The following RBFOX1 variants were observed in gnomAD, a reference collection of about 807,000 sequenced individuals.
RBFOX1 encodes the protein RNA binding fox-1 homolog 1.
RBFOX1 carries 8 observed loss-of-function variants against 57.7 expected under a neutral mutation model. The ratio of observed to expected loss-of-function variants is 0.14; its 90% confidence interval spans 0.08 to 0.25. RBFOX1 has a LOEUF of 0.25. RBFOX1 is among the 10% of genes least tolerant of loss of function. RBFOX1 has a pLI of 1.00. For missense variants in RBFOX1, 611 were observed against 548.5 expected (o/e 1.11, Z -1.14); for synonymous variants, 326 against 222.4 (o/e 1.47, Z -4.15).
Position 7,135,752 on chromosome 16 carries a change from T to C in RBFOX1, c.27+83654T>C, listed in dbSNP as rs538898510. Among the ~76,000 whole-genome samples the C allele has an allele frequency of 3.3e-5, 5 of 152,360 alleles. No homozygotes were observed. In the South Asian group the frequency reaches 6.2e-4, roughly 19 times the overall value. ...ACCCTGTCTTCCTCCTAATATGACA[T>C]GATTAACATTTTTCAATTAACCACA... is the stretch of plus-strand genomic sequence containing the variant. On this transcript the variant is annotated intron_variant, in intron 4 of 15. Transcript: ENST00000550418.
intron 1 of RBFOX1, among the ~76,000 whole-genome samples, chr16:6,167,128 C>T (rs550093305): frequency 3.3e-5 from 5 of 152,098 alleles, no homozygotes; most frequent in East Asian, 1.9e-4. Context: ...TATTTGCTGA[C>T]GAATAGTGGC....
chr16:6,440,691 C>T (rs966035312), intron 2 of RBFOX1, among the ~76,000 whole-genome samples: 1 of 151,200 alleles, frequency 6.6e-6, no homozygotes, highest in African/African-American at 2.4e-5. Flanking sequence ...GTCCCAACTA[C>T]TTGGGAGGCT....
intron 4 of RBFOX1, among the ~76,000 whole-genome samples, chr16:7,085,946 AT>A (rs1175209943): frequency 6.6e-6 from 1 of 152,166 alleles, no homozygotes; most frequent in Admixed American, 6.5e-5. Flanking sequence ...GGGCTCTAAA[AT>A]GTACTAAGCA....
intron 1 of RBFOX1, among the ~76,000 whole-genome samples, chr16:6,177,399 A>AT (rs146248721): frequency 0.086 from 13,067 of 151,784 alleles, 654 homozygotes; most frequent in African/African-American, 0.13. Flanking sequence ...GCTTTCATTG[A>AT]TTTTTTTCTT....
chr16:5,503,891 A>C (rs1044290763), intron 2 of RBFOX1, among the ~76,000 whole-genome samples: 1 of 152,138 alleles, frequency 6.6e-6, no homozygotes, highest in African/African-American at 2.4e-5. Flanking sequence ...GCAAACACTC[A>C]TCTACTTTCT....
At chr16:6,638,382 A>G (rs1277031772) in intron 2 of RBFOX1, among the ~76,000 whole-genome samples, 1 of 152,124 alleles carries the variant, frequency 6.6e-6, no homozygotes, top group Admixed American at 6.6e-5. Context: ...CCTTATTTCA[A>G]TTTTCTGAGA....
intron 1 of RBFOX1, among the ~76,000 whole-genome samples, chr16:6,271,679 A>G (rs1325726676): frequency 6.6e-6 from 1 of 152,192 alleles, no homozygotes; most frequent in Admixed American, 6.5e-5. Flanking sequence ...TAACTCCACA[A>G]ACTTATCTTT....
rs565822813 is a variant in RBFOX1 at position 6,714,459 on chromosome 16, G to A, written c.-16+59809G>A. Among the ~76,000 whole-genome samples, 29 of 152,158 alleles carry A rather than the reference G, an allele frequency of 1.9e-4. No homozygotes were observed. The East Asian group carries it at 3.9e-3, about 20-fold the overall frequency. The stretch of plus-strand genomic sequence containing the variant: ...TGGAAGTGAAGCTTTATCCCACTAC[G>A]GGATCCTTGGAACCAACGTACACAC... On this transcript the variant is annotated intron_variant, in intron 3 of 15. Coordinates refer to ENST00000550418, the MANE Select transcript of RBFOX1 (RefSeq NM_018723.4).
chr16:7,262,992 G>T (rs1394014797), intron 4 of RBFOX1, among the ~76,000 whole-genome samples: 1 of 152,188 alleles, frequency 6.6e-6, no homozygotes, highest in East Asian at 1.9e-4. Context: ...GTTAGAGGGT[G>T]ATAGGAAAGG....
intron 2 of RBFOX1, among the ~76,000 whole-genome samples, chr16:6,521,049 C>A (rs1243576129): frequency 6.6e-6 from 1 of 152,048 alleles, no homozygotes; most frequent in Admixed American, 6.6e-5. Context: ...ATGTTTAGAT[C>A]CTTTAATCAA....
chr16:7,202,662 C>G (rs374543534), intron 4 of RBFOX1, among the ~76,000 whole-genome samples: 2 of 152,182 alleles, frequency 1.3e-5, no homozygotes, highest in East Asian at 1.9e-4. Context: ...AGAGCAGCCA[C>G]GGCATTAGGT....
At chr16:6,669,690 C>A (rs1037885305) in intron 3 of RBFOX1, among the ~76,000 whole-genome samples, 2 of 151,636 alleles carry the variant, frequency 1.3e-5, no homozygotes, top group Admixed American at 1.3e-4. Context: ...TAAGATCTAC[C>A]CTCTTAGCAA....
chr16:6,935,028 T>A (rs1305972502), intron 3 of RBFOX1, among the ~76,000 whole-genome samples: 1 of 151,978 alleles, frequency 6.6e-6, no homozygotes, highest in Non-Finnish European at 1.5e-5. Flanking sequence ...GCAGGGGTTG[T>A]TGCAGTGAGA....
chr16:6,441,709 C>G (rs114903108), intron 2 of RBFOX1, among the ~76,000 whole-genome samples: 3 of 152,130 alleles, frequency 2.0e-5, no homozygotes, highest in African/African-American at 7.2e-5. Context: ...TGAGCCACCT[C>G]GTGCAGTCAG....
At chr16:6,880,987 A>G (rs1382173334) in intron 3 of RBFOX1, among the ~76,000 whole-genome samples, 1 of 152,170 alleles carries the variant, frequency 6.6e-6, no homozygotes, top group Non-Finnish European at 1.5e-5. Context: ...ATACACAGTG[A>G]GAGCCTAGGC....
In RBFOX1 at chr16:6,504,331, C is replaced by T. The variant is rs186064568; in HGVS notation, c.-63-150272C>T. On this transcript the variant is annotated intron_variant, in intron 2 of 15. Coordinates refer to ENST00000550418, the MANE Select transcript of RBFOX1 (RefSeq NM_018723.4). ...TGCATCCAGCTTCAACTTCACATTC[C>T]CCTGCCCTTCACCATCAGACAGTTT... 3.9e-5 allele frequency among the ~76,000 whole-genome samples: 6 copies of T among 152,272 alleles called. No individual in the cohort carries two copies. In the East Asian group the frequency reaches 7.7e-4, roughly 20 times the overall value.
intron 3 of RBFOX1, among the ~76,000 whole-genome samples, chr16:6,751,895 T>G (rs1471111678): frequency 6.6e-6 from 1 of 152,192 alleles, no homozygotes; most frequent in African/African-American, 2.4e-5. Flanking sequence ...TGCTGGTTTA[T>G]ATGAATTTTC....
Position 5,395,938 on chromosome 16 carries a change from G to A in RBFOX1, c.220-71278G>A, listed in dbSNP as rs1374468280. On this transcript the variant is annotated intron_variant, in intron 1 of 2. Transcript: ENST00000585867. Reference sequence around the variant, plus strand: ...GAAATAAATTTTGCTGACAACCCTCGGGAGCTTGGAAGCAGATTTTTCCCC... The same window carrying A: ...GAAATAAATTTTGCTGACAACCCTCAGGAGCTTGGAAGCAGATTTTTCCCC... 2.6e-5 allele frequency among the ~76,000 whole-genome samples: 4 copies of A among 152,126 alleles called. No homozygotes were observed. The East Asian group carries it at 7.7e-4, about 29-fold the overall frequency.
chr16:6,227,109 G>A (rs1397269089), intron 1 of RBFOX1, among the ~76,000 whole-genome samples: 1 of 151,760 alleles, frequency 6.6e-6, no homozygotes, highest in South Asian at 2.1e-4. Context: ...AGGTGACAGG[G>A]CGAGACTCTG....
Sources: allele counts gnomAD v4.1 joint callset (sites outside exome capture counted in the v4.1 genomes callset), GRCh38; gene constraint gnomAD v4.1.1; transcripts MANE v1.5; gene names NCBI Gene and HGNC (gene_info 2026-07-23, HGNC 2026-07-21).